The following ROBO2 variants were observed in gnomAD, a reference collection of about 807,000 sequenced individuals.
ROBO2 encodes roundabout guidance receptor 2.
A neutral mutation model predicts 160.8 loss-of-function variants in ROBO2; 53 were observed. That is an observed-to-expected ratio of 0.33 (90% CI 0.26 to 0.41). ROBO2 has a LOEUF of 0.41. Ranked by LOEUF, ROBO2 falls within the 10% of genes least tolerant of loss-of-function variation. ROBO2 has a pLI of 1.00. For missense variants in ROBO2, 1,577 were observed against 1,722.4 expected (o/e 0.92, Z 1.49); for synonymous variants, 664 against 611.7 (o/e 1.09, Z -1.26).
At chr3:77,168,317 C>T (rs2150716759) in intron 2 of ROBO2, among the ~76,000 whole-genome samples, 1 of 152,270 alleles carries the variant, frequency 6.6e-6, no homozygotes, top group South Asian at 2.1e-4. Context: ...TTAAGAAAAC[C>T]TCATGGCTAT....
intron 2 of ROBO2, among the ~76,000 whole-genome samples, chr3:76,525,039 G>C (rs2081873981): frequency 1.3e-5 from 2 of 151,458 alleles, no homozygotes; most frequent in Admixed American, 1.3e-4. Flanking sequence ...CAGATACTGA[G>C]GTGTAAACAA....
chr3:76,108,523 A>G (rs746405731), intron 2 of ROBO2, among the ~76,000 whole-genome samples: 52 of 151,770 alleles, frequency 3.4e-4, no homozygotes, highest in Non-Finnish European at 2.1e-4. Flanking sequence ...ATTTTGTCCA[A>G]ATTTTTTATC....
intron 2 of ROBO2, among the ~76,000 whole-genome samples, chr3:76,669,544 T>A (rs951989614): frequency 6.6e-6 from 1 of 152,146 alleles, no homozygotes; most frequent in Non-Finnish European, 1.5e-5. Context: ...TACTGTTGTC[T>A]CACCTGCTCT....
Position 77,371,090 on chromosome 3 carries a change from A to T in ROBO2, c.389-106324A>T, listed in dbSNP as rs116546418. On this transcript the variant is annotated intron_variant, in intron 2 of 25. Transcript: ENST00000461745. The stretch of plus-strand genomic sequence containing the variant: ...TGGTGATATTATTTTTTTCTGGTTT[A>T]TATTGACAATCTTGAAACTGAATCA... 1.9e-3 allele frequency among the ~76,000 whole-genome samples: 292 copies of T among 152,344 alleles called. 4 individuals are homozygous for T. Among genetic ancestry groups the T allele is most frequent in the African/African-American group, 6.4e-3 (266 of 41,580 alleles).
intron 2 of ROBO2, among the ~76,000 whole-genome samples, chr3:76,338,021 A>G (rs1368908453): frequency 6.6e-6 from 1 of 152,144 alleles, no homozygotes; most frequent in Non-Finnish European, 1.5e-5. Flanking sequence ...TCCCTCCCAC[A>G]CTGTGATGAT....
intron 2 of ROBO2, among the ~76,000 whole-genome samples, chr3:76,293,523 C>T (rs571325244): frequency 1.3e-5 from 2 of 151,256 alleles, no homozygotes; most frequent in African/African-American, 2.4e-5. Flanking sequence ...GCCTTGAATC[C>T]AAAAAAAAGT....
At chr3:75,986,473 A>T (rs946729462) in intron 2 of ROBO2, among the ~76,000 whole-genome samples, 3 of 149,298 alleles carry the variant, frequency 2.0e-5, no homozygotes, top group Non-Finnish European at 4.5e-5. Context: ...TCATTTGCAA[A>T]TTTTTTTTTC....
chr3:76,251,341 A>G (rs1705986081), intron 2 of ROBO2, among the ~76,000 whole-genome samples: 1 of 152,096 alleles, frequency 6.6e-6, no homozygotes. Context: ...ATGTCAGGAA[A>G]GAGATGAGTT....
At chr3:76,834,247 C>G (rs376432776) in intron 2 of ROBO2, among the ~76,000 whole-genome samples, 1 of 150,094 alleles carries the variant, frequency 6.7e-6, no homozygotes, top group East Asian at 2.0e-4. Flanking sequence ...CTATGTCACC[C>G]AAGCTGGAGT....
chr3:76,477,718 A>G (rs2079001622), intron 2 of ROBO2, among the ~76,000 whole-genome samples: 2 of 151,706 alleles, frequency 1.3e-5, no homozygotes, highest in South Asian at 4.2e-4. Flanking sequence ...AAACTTCCAG[A>G]CTCTCATTCT....
intron 2 of ROBO2, among the ~76,000 whole-genome samples, chr3:76,745,910 G>T (rs200439963): frequency 6.7e-6 from 1 of 149,626 alleles, no homozygotes; most frequent in East Asian, 2.0e-4. Flanking sequence ...GTATACATGT[G>T]CCATGCTGGT....
intron 2 of ROBO2, among the ~76,000 whole-genome samples, chr3:77,122,885 T>G (rs1468795509): frequency 6.6e-6 from 1 of 152,190 alleles, no homozygotes; most frequent in African/African-American, 2.4e-5. Flanking sequence ...TAATGGTGTT[T>G]GAGTCAACGT....
chr3:76,195,918 AG>A (rs202211800), intron 2 of ROBO2, among the ~76,000 whole-genome samples: 3,437 of 152,222 alleles, frequency 0.023, 122 homozygotes, highest in African/African-American at 0.072. Context: ...TAGTTTTATA[AG>A]GTAGGGTCAG....
intron 2 of ROBO2, among the ~76,000 whole-genome samples, chr3:76,031,922 A>T (rs1204140828): frequency 6.6e-6 from 1 of 152,118 alleles, no homozygotes; most frequent in Non-Finnish European, 1.5e-5. Context: ...ATTGATTGGA[A>T]TAGTTTCAGA....
intron 2 of ROBO2, among the ~76,000 whole-genome samples, chr3:77,233,462 T>C (rs1037550282): frequency 2.0e-5 from 3 of 152,138 alleles, no homozygotes; most frequent in Admixed American, 2.0e-4. Flanking sequence ...AACATCTGCT[T>C]CCTAGGCTTT....
intron 1 of ROBO2, among the ~76,000 whole-genome samples, chr3:75,933,349 G>A (rs1947626941): frequency 6.6e-6 from 1 of 152,152 alleles, no homozygotes; most frequent in South Asian, 2.1e-4. Flanking sequence ...TTGGTCTTTA[G>A]TTTTAAAAGG....
intron 5 of ROBO2, among the ~76,000 whole-genome samples, chr3:77,502,806 AT>A (rs1417485464): frequency 3.3e-5 from 5 of 152,186 alleles, no homozygotes; most frequent in Non-Finnish European, 7.4e-5. Flanking sequence ...ATACTACATT[AT>A]TTTATATAAA....
chr3:77,571,992 T>C (rs1283753382), intron 13 of ROBO2, among the ~76,000 whole-genome samples: 1 of 151,920 alleles, frequency 6.6e-6, no homozygotes, highest in East Asian at 1.9e-4. Flanking sequence ...GATGATAGTG[T>C]ACACTGAAGT....
intron 2 of ROBO2, among the ~76,000 whole-genome samples, chr3:76,665,116 T>C (rs999095647): frequency 6.6e-6 from 1 of 152,124 alleles, no homozygotes; most frequent in African/African-American, 2.4e-5. Flanking sequence ...AAGTTATATA[T>C]AAACTACTCT....
Sources: gnomAD v4.1 joint callset for allele counts (sites outside exome capture counted in the v4.1 genomes callset) on GRCh38, gnomAD v4.1.1 for gene constraint, MANE v1.5 for transcripts, NCBI Gene and HGNC (gene_info 2026-07-23, HGNC 2026-07-21) for gene names.